Variants in CEP85L observed in about 807,000 individuals in gnomAD.
The protein encoded by CEP85L is centrosomal protein 85L, also known as centrosomal protein of 85 kDa-like.
CEP85L carries 60 observed loss-of-function variants against 100.3 expected under a neutral mutation model. That is an observed-to-expected ratio of 0.60 (90% CI 0.49 to 0.74). CEP85L has a LOEUF of 0.74. Ranked by LOEUF, CEP85L falls within the 30% of genes least tolerant of loss-of-function variation. The pLI, the probability that CEP85L is intolerant of heterozygous loss-of-function variation, is 0.00. For missense variants in CEP85L, 973 were observed against 936.2 expected, an observed-to-expected ratio of 1.04 and a Z score of -0.51; for synonymous variants, 319 against 322.7, an observed-to-expected ratio of 0.99 and a Z score of 0.12.
chr6:118,516,904 A>G lies in CEP85L; in HGVS notation c.1140-5489T>C, dbSNP rs143781280. Among the ~76,000 whole-genome samples the G allele has an allele frequency of 1.3e-3, 193 of 152,224 alleles. 3 individuals are homozygous for G. In the East Asian group the frequency reaches 0.03, roughly 23 times the overall value. Reference sequence around the variant, plus strand: ...GGTCTTACGCTTAAGTTTTTAATCCATCTTTAGTTAATTTTTGTTTAAGGT... The same window carrying G: ...GGTCTTACGCTTAAGTTTTTAATCCGTCTTTAGTTAATTTTTGTTTAAGGT... On this transcript the variant is annotated intron_variant, in intron 4 of 12. Transcript: ENST00000368491.
chr6:118,693,707 G>A (rs1777117058), intron 1 of CEP85L, among the ~76,000 whole-genome samples: 2 of 152,224 alleles, frequency 1.3e-5, no homozygotes, highest in South Asian at 2.1e-4. Flanking sequence ...CTATGTGGAC[G>A]TTGCTGCTGC....
intron 3 of CEP85L, among the ~76,000 whole-genome samples, chr6:118,553,413 T>C (rs1325107890): frequency 2.6e-5 from 4 of 152,146 alleles, no homozygotes; most frequent in African/African-American, 7.2e-5. Context: ...ATGGATAAAA[T>C]CTGGCCTAAT....
chr6:118,541,900 A>C (rs1777918041), intron 3 of CEP85L, among the ~76,000 whole-genome samples: 1 of 152,204 alleles, frequency 6.6e-6, no homozygotes, highest in Non-Finnish European at 1.5e-5. Context: ...AAGTTTCTCT[A>C]ATTATAAGGA....
At chr6:118,524,820 G>A (rs1047149589) in intron 3 of CEP85L, among the ~76,000 whole-genome samples, 1 of 152,294 alleles carries the variant, frequency 6.6e-6, no homozygotes, top group Admixed American at 6.5e-5. Context: ...ACCTGCCCAG[G>A]GCTCATGTGG....
chr6:118,610,455 GA>G (rs1266061200), intron 2 of CEP85L, among the ~76,000 whole-genome samples: 1 of 152,156 alleles, frequency 6.6e-6, no homozygotes, highest in Non-Finnish European at 1.5e-5. Context: ...GGTGGTATCA[GA>G]GGAGGCCTGG....
At chr6:118,658,802 A>C (rs575529048) in intron 1 of CEP85L, among the ~76,000 whole-genome samples, 2 of 152,270 alleles carry the variant, frequency 1.3e-5, no homozygotes, top group Non-Finnish European at 2.9e-5. Flanking sequence ...AAAGTTTAAC[A>C]CATCAGGTTG....
chr6:118,567,241 GTGTGTGTGTA>G (rs1367307625), intron 2 of CEP85L, among the ~76,000 whole-genome samples: 632 of 38,074 alleles, frequency 0.017, 1 homozygote, highest in Non-Finnish European at 0.021. Context: ...GTGTGTGTGT[GTGTGTGTGTA>G]TATATATATA....
At chr6:118,616,342 A>G (rs1244498936) in intron 2 of CEP85L, among the ~76,000 whole-genome samples, 1 of 151,532 alleles carries the variant, frequency 6.6e-6, no homozygotes, top group East Asian at 2.0e-4. Flanking sequence ...CCTGGACAAC[A>G]TAATAGGACC....
At chr6:118,596,734 A>G (rs539499665) in intron 2 of CEP85L, among the ~76,000 whole-genome samples, 6 of 152,120 alleles carry the variant, frequency 3.9e-5, no homozygotes, top group Non-Finnish European at 8.8e-5. Context: ...ACCAGCACCA[A>G]TCACTCAAAC....
intron 1 of CEP85L, among the ~76,000 whole-genome samples, chr6:118,704,058 C>CTA (rs1405901967): frequency 6.6e-6 from 1 of 152,104 alleles, no homozygotes; most frequent in Non-Finnish European, 1.5e-5. Context: ...TAGAAGCAAA[C>CTA]TATACCTGCC....
chr6:118,616,577 C>T (rs1773063434), intron 2 of CEP85L, among the ~76,000 whole-genome samples: 1 of 150,076 alleles, frequency 6.7e-6, no homozygotes, highest in Non-Finnish European at 1.5e-5. Flanking sequence ...GGAACCTGTG[C>T]TCTGTGGCCA....
chr6:118,539,593 T>A (rs1777791112), intron 3 of CEP85L, among the ~76,000 whole-genome samples: 1 of 152,232 alleles, frequency 6.6e-6, no homozygotes, highest in Non-Finnish European at 1.5e-5. Context: ...TTTACTTTTT[T>A]TTGTTAAATT....
At chr6:118,474,097 T>TA (rs1039347342) in intron 10 of CEP85L, among the ~76,000 whole-genome samples, 19 of 152,320 alleles carry the variant, frequency 1.2e-4, no homozygotes, top group African/African-American at 4.6e-4. Context: ...TCCACAGACC[T>TA]ACCACTCAAT....
At chr6:118,671,923 C>T (rs185536313) in intron 1 of CEP85L, among the ~76,000 whole-genome samples, 3 of 152,046 alleles carry the variant, frequency 2.0e-5, no homozygotes, top group African/African-American at 4.8e-5. Context: ...GGCGAAAGAG[C>T]GAGACTCTAT....
At chr6:118,515,925 G>A (rs1327812663) in intron 4 of CEP85L, among the ~76,000 whole-genome samples, 1 of 152,044 alleles carries the variant, frequency 6.6e-6, no homozygotes, top group Non-Finnish European at 1.5e-5. Context: ...ATAGGCCCTG[G>A]TGTGTGATAT....
chr6:118,700,250 C>T (rs549897348), intron 1 of CEP85L, among the ~76,000 whole-genome samples: 113 of 152,328 alleles, frequency 7.4e-4, no homozygotes, highest in African/African-American at 2.7e-3. Context: ...AGGGAATAAG[C>T]GTGTAGTTCA....
At chr6:118,559,803 A>G (rs928150827) in intron 3 of CEP85L, 1 of 167,682 alleles carries the variant, frequency 6.0e-6, no homozygotes, top group Non-Finnish European at 1.5e-5. Context: ...AATCTGTTCT[A>G]AGACATATGA....
At chr6:118,552,664 T>G (rs373662104) in intron 3 of CEP85L, among the ~76,000 whole-genome samples, 1 of 152,092 alleles carries the variant, frequency 6.6e-6, no homozygotes, top group South Asian at 2.1e-4. Context: ...AACTTGATTT[T>G]TTTTTTAATT....
At chr6:118,576,800 T>G (rs554631047) in intron 2 of CEP85L, among the ~76,000 whole-genome samples, 18 of 152,254 alleles carry the variant, frequency 1.2e-4, no homozygotes, top group African/African-American at 3.9e-4. Context: ...ACTTATCCAT[T>G]GTAAAAATTA....
Sources: gnomAD v4.1 joint callset for allele counts (sites outside exome capture counted in the v4.1 genomes callset) on GRCh38, gnomAD v4.1.1 for gene constraint, MANE v1.5 for transcripts, NCBI Gene and HGNC (gene_info 2026-07-23, HGNC 2026-07-21) for gene names.